Variants in DACT2 observed in about 807,000 individuals in gnomAD.
The protein encoded by DACT2 is dishevelled binding antagonist of beta catenin 2, also known as dapper homolog 2.
In DACT2, 20 loss-of-function variants were observed where a neutral mutation model predicts 22.2. That is an observed-to-expected ratio of 0.90 (90% CI 0.63 to 1.31). DACT2 has a LOEUF of 1.31. DACT2 is among the 50% of genes most tolerant of loss of function. The probability of loss-of-function intolerance (pLI) is 0.00; values close to 1 mark genes in which losing one functional copy is unlikely to be tolerated. For synonymous variants in DACT2, 463 were observed against 479.8 expected, an observed-to-expected ratio of 0.96 and a Z score of 0.46; for missense variants, 1,048 against 1,061.4, an observed-to-expected ratio of 0.99 and a Z score of 0.18.
downstream of DACT2, among the ~76,000 whole-genome samples, chr6:168,303,029 C>A (rs1779137732): frequency 1.3e-5 from 2 of 152,186 alleles, no homozygotes; most frequent in South Asian, 4.2e-4. Flanking sequence ...AAACTAGGCA[C>A]CATCACATTA....
exon 6 of DACT2, chr6:168,293,820 G>A (rs532299216): frequency 1.0e-3 from 732 of 701,492 alleles, no homozygotes; most frequent in Middle Eastern, 5.3e-3. Flanking sequence ...AAGAAGCTGG[G>A]CCTGTGGCCA....
intron 1 of DACT2, among the ~76,000 whole-genome samples, chr6:168,316,278 C>T (rs1192716670): frequency 6.6e-6 from 1 of 151,330 alleles, no homozygotes; most frequent in Non-Finnish European, 1.5e-5. Context: ...GTGTGTAACA[C>T]GTCTGTGGCT....
At chr6:168,313,256 G>A (rs9364432) in intron 1 of DACT2, among the ~76,000 whole-genome samples, 29,403 of 151,992 alleles carry the variant, frequency 0.19, 3,356 homozygotes, top group East Asian at 0.49. Context: ...TGTTAGCCAC[G>A]ATGGTCTCGA....
intron 1 of DACT2, among the ~76,000 whole-genome samples, chr6:168,314,236 C>T (rs1166578338): frequency 6.6e-6 from 1 of 152,242 alleles, no homozygotes; most frequent in Admixed American, 6.5e-5. Flanking sequence ...GGCCGTGCTC[C>T]ACTTCCCTCT....
chr6:168,306,258 T>C (rs1779203711), downstream of DACT2, among the ~76,000 whole-genome samples: 1 of 152,228 alleles, frequency 6.6e-6, no homozygotes, highest in African/African-American at 2.4e-5. Context: ...CACCTTCATG[T>C]AAAATTCTTT....
At chr6:168,301,119 C>T (rs149437592) in intron 3 of DACT2, among the ~76,000 whole-genome samples, 1,692 of 152,310 alleles carry the variant, frequency 0.011, 38 homozygotes, top group African/African-American at 0.037. Context: ...TTGTTGCTGT[C>T]GCCTGTGACA....
At chr6:168,300,686 G>T (rs1490447643) in intron 3 of DACT2, 1 of 152,148 alleles carries the variant, frequency 6.6e-6, no homozygotes. Flanking sequence ...AGAATATTCT[G>T]ATTTCAGTAA....
chr6:168,306,312 G>T (rs1779204438), downstream of DACT2, among the ~76,000 whole-genome samples: 1 of 152,042 alleles, frequency 6.6e-6, no homozygotes, highest in Admixed American at 6.6e-5. Context: ...AAAATGCTGT[G>T]GCCCTCACCA....
chr6:168,301,002 C>T (rs1387714013), intron 3 of DACT2, among the ~76,000 whole-genome samples: 1 of 151,782 alleles, frequency 6.6e-6, no homozygotes, highest in Non-Finnish European at 1.5e-5. Context: ...AACAAACAAA[C>T]AAACAAAAAA....
At position 168,310,167 on chromosome 6, in the gene DACT2, C is replaced by T. The variant is rs1172020141; in HGVS notation, c.658+1G>A. 6.5e-7 allele frequency: 1 copy of T among 1,549,178 alleles called. No homozygotes were observed. Among genetic ancestry groups the T allele is most frequent in the African/African-American group, 1.4e-5 (1 of 72,992 alleles). On this transcript the variant is annotated splice_donor_variant, in intron 3 of 3. Coordinates refer to ENST00000366795, the MANE Select transcript of DACT2 (RefSeq NM_214462.5). LOFTEE classifies it high-confidence loss of function. ...CCCCACCTTCCCTGGCAGTTTCTTA[C>T]CTGTAGACACAGGCCTGGGCCAGAA...
At chr6:168,304,819 C>T (rs1779171664), downstream of DACT2, among the ~76,000 whole-genome samples, 1 of 152,208 alleles carries the variant, frequency 6.6e-6, no homozygotes, top group Non-Finnish European at 1.5e-5. Context: ...GTCCTCCTGT[C>T]CTGGGCTGCC....
At chr6:168,305,478 C>T (rs1779185680), downstream of DACT2, among the ~76,000 whole-genome samples, 3 of 152,208 alleles carry the variant, frequency 2.0e-5, no homozygotes, top group South Asian at 6.2e-4. Flanking sequence ...GTGATACAAG[C>T]TAGGTCACCA....
intron 2 of DACT2, among the ~76,000 whole-genome samples, chr6:168,310,756 G>A (rs1779376862): frequency 6.6e-6 from 1 of 152,134 alleles, no homozygotes. Flanking sequence ...TGCCTAAGAG[G>A]TGGCCTCTTC....
At chr6:168,318,809 A>G (rs1372709817) in intron 1 of DACT2, among the ~76,000 whole-genome samples, 3 of 152,106 alleles carry the variant, frequency 2.0e-5, no homozygotes, top group Non-Finnish European at 4.4e-5. Context: ...GTCAGGTCAC[A>G]TTTTAAAGTT....
In DACT2 at chr6:168,312,616, G is replaced by A. The variant is rs375724999; in HGVS notation, c.247-1332C>T. On this transcript the variant is annotated intron_variant, in intron 1 of 3. Coordinates refer to ENST00000366795, the MANE Select transcript of DACT2 (RefSeq NM_214462.5). ...TGTGTGTGTGTGTACATGTGTGCGT[G>A]TGTGTGCGTCTTTCAATTCTAAAAC... Among the ~76,000 whole-genome samples the A allele has an allele frequency of 7.2e-5, 11 of 152,218 alleles. No homozygotes were observed. In the East Asian group the frequency reaches 1.7e-3, roughly 24 times the overall value.
chr6:168,301,111 G>A (rs913335565), intron 3 of DACT2, among the ~76,000 whole-genome samples: 5 of 152,258 alleles, frequency 3.3e-5, no homozygotes, highest in African/African-American at 1.2e-4. Flanking sequence ...GGAGCCCGTT[G>A]TTGCTGTCGC....
intron 2 of DACT2, 120 bp from the exon 3 acceptor site, chr6:168,310,566 G>A (rs111712357): frequency 8.3e-5 from 111 of 1,339,582 alleles, no homozygotes; most frequent in Middle Eastern, 2.2e-4. Flanking sequence ...TGAGGCTACC[G>A]GAGGCTGTGT....
In DACT2 at chr6:168,311,252, C is replaced by G. The variant is rs1489419674; in HGVS notation, c.279G>C (p.Lys93Asn). The G allele has an allele frequency of 6.4e-7, 1 of 1,550,676 alleles. No homozygotes were observed. The highest frequency in any genetic ancestry group is 8.7e-7 in the Non-Finnish European group (1 of 1,145,934). Residue 93 changes from lysine to asparagine, a missense_variant, in exon 2 of 4, where the codon AAG (lysine) becomes AAC (asparagine). Physicochemically the swap from Lys to Asn is moderately conservative, Grantham distance 94. Coordinates refer to ENST00000366795, the MANE Select transcript of DACT2 (RefSeq NM_214462.5). The stretch of plus-strand genomic sequence containing the variant: ...GCAGGTCCAGCTGGTCCAGGTGGGT[C>G]TTCAGGCCGATGTCCTGTTGTCTCA... Reference protein sequence around the residue: ...SRLRQQDIGLKTHLDQLDLQI... With the variant: ...SRLRQQDIGLNTHLDQLDLQI...
chr6:168,309,413 G>A (rs368948322), intron 3 of DACT2, among the ~76,000 whole-genome samples: 3 of 151,700 alleles, frequency 2.0e-5, no homozygotes, highest in African/African-American at 2.4e-5. Flanking sequence ...GCACAGGGCC[G>A]TTTGCGTGTA....
Sources: gnomAD v4.1 joint callset for allele counts (sites outside exome capture counted in the v4.1 genomes callset) on GRCh38, gnomAD v4.1.1 for gene constraint, MANE v1.5 for transcripts, NCBI Gene and HGNC (gene_info 2026-07-23, HGNC 2026-07-21) for gene names.